Variants in PRKAR1B observed in about 807,000 individuals in gnomAD.
PRKAR1B encodes protein kinase cAMP-dependent type I regulatory subunit beta, also known as cAMP-dependent protein kinase type I-beta regulatory subunit.
In PRKAR1B, 22 loss-of-function variants were observed where a neutral mutation model predicts 46.5. That is an observed-to-expected ratio of 0.47 (90% CI 0.34 to 0.68). The LOEUF is 0.68. Ranked by LOEUF, PRKAR1B falls within the 30% of genes least tolerant of loss-of-function variation. The probability of loss-of-function intolerance (pLI) is 0.01; values close to 1 mark genes in which losing one functional copy is unlikely to be tolerated. For missense variants in PRKAR1B, 445 were observed against 535.6 expected, an observed-to-expected ratio of 0.83 and a Z score of 1.67; for synonymous variants, 259 against 217.7, an observed-to-expected ratio of 1.19 and a Z score of -1.67.
chr7:628,681 C>A (rs1783553274), intron 4 of PRKAR1B, among the ~76,000 whole-genome samples: 1 of 152,208 alleles, frequency 6.6e-6, no homozygotes, highest in South Asian at 2.1e-4. Flanking sequence ...ACTCTGCAGA[C>A]CTCAATGTCT....
At chr7:722,652 G>C (rs180924594) in intron 1 of PRKAR1B, among the ~76,000 whole-genome samples, 11 of 152,396 alleles carry the variant, frequency 7.2e-5, no homozygotes, top group African/African-American at 2.4e-4. Context: ...GATGACAGGC[G>C]TGAGCCACCG....
intron 5 of PRKAR1B, among the ~76,000 whole-genome samples, chr7:606,892 A>T (rs1782104491): frequency 6.6e-6 from 1 of 152,030 alleles, no homozygotes; most frequent in Non-Finnish European, 1.5e-5. Context: ...ACACATATGT[A>T]TATATGTGTA....
chr7:605,919 G>A (rs1394943483), intron 6 of PRKAR1B, among the ~76,000 whole-genome samples: 1 of 152,206 alleles, frequency 6.6e-6, no homozygotes, highest in African/African-American at 2.4e-5. Flanking sequence ...GCCAGCCCCA[G>A]CAGTCGCAGC....
At chr7:582,902 G>A (rs1780278354) in intron 8 of PRKAR1B, among the ~76,000 whole-genome samples, 2 of 152,224 alleles carry the variant, frequency 1.3e-5, no homozygotes, top group East Asian at 1.9e-4. Context: ...AAAATCTGGC[G>A]GACCAACTCG....
At chr7:686,579 T>G (rs1779109354) in intron 2 of PRKAR1B, among the ~76,000 whole-genome samples, 1 of 152,150 alleles carries the variant, frequency 6.6e-6, no homozygotes, top group South Asian at 2.1e-4. Flanking sequence ...GTTCTTGCAG[T>G]TAGAGATTTT....
chr7:647,533 G>A lies in PRKAR1B; in HGVS notation c.440+29696C>T, dbSNP rs150760852. Among the ~76,000 whole-genome samples, 1,139 of 152,142 alleles carry A rather than the reference G, an allele frequency of 7.5e-3. 19 individuals carry two copies. The highest frequency in any genetic ancestry group is 0.026 in the African/African-American group (1,091 of 41,502). On this transcript the variant is annotated intron_variant, in intron 4 of 10. Coordinates refer to ENST00000537384, the MANE Select transcript of PRKAR1B (RefSeq NM_001164760.2). The stretch of plus-strand genomic sequence containing the variant: ...TAAAACACGTACCTCCAGGCCAGGC[G>A]CGGTGGCTCATGCCTGTAATCCCAG...
intron 4 of PRKAR1B, among the ~76,000 whole-genome samples, chr7:673,045 TAAAAAAAAAA>T (rs992683667): frequency 2.1e-3 from 57 of 26,550 alleles, no homozygotes; most frequent in East Asian, 0.019. Flanking sequence ...GCCTTGTCTT[TAAAAAAAAAA>T]AAAAAAAAAA....
chr7:562,390 C>T (rs960419478), intron 9 of PRKAR1B, among the ~76,000 whole-genome samples: 7 of 152,134 alleles, frequency 4.6e-5, no homozygotes, highest in African/African-American at 1.7e-4. Context: ...CTCCACAGGC[C>T]CAGCCCAACT....
chr7:694,060 A>G (rs1352662184), intron 2 of PRKAR1B, among the ~76,000 whole-genome samples: 4 of 152,136 alleles, frequency 2.6e-5, no homozygotes, highest in South Asian at 4.2e-4. Context: ...CGAGGTGGGC[A>G]GATCACGAGG....
At chr7:724,757 C>T (rs1188545651) in intron 1 of PRKAR1B, among the ~76,000 whole-genome samples, 1 of 152,244 alleles carries the variant, frequency 6.6e-6, no homozygotes, top group Admixed American at 6.5e-5. Context: ...TAAGGGCTAT[C>T]TCATCCTGCA....
intron 4 of PRKAR1B, among the ~76,000 whole-genome samples, chr7:674,706 T>TCTA: frequency 6.6e-6 from 1 of 152,166 alleles, no homozygotes; most frequent in South Asian, 2.1e-4. Context: ...ACTCTCTCCA[T>TCTA]GCCTAGCTAC....
At chr7:555,963 C>T (rs1281142120) in intron 9 of PRKAR1B, among the ~76,000 whole-genome samples, 2 of 152,192 alleles carry the variant, frequency 1.3e-5, no homozygotes, top group South Asian at 2.1e-4. Flanking sequence ...GCTCCGGGGA[C>T]TCAGCCAGGT....
rs143606204 is a variant in PRKAR1B at position 591,926 on chromosome 7, C to T, written c.708+4220G>A. On this transcript the variant is annotated intron_variant, in intron 7 of 10. Transcript: ENST00000537384. ...ACCAGAAAGCCAGCCCCGGCTCCCA[C>T]GCACGGCTGTGGGGTTGGCAACTTC... Among the ~76,000 whole-genome samples the T allele has an allele frequency of 7.3e-3, 1,119 of 152,324 alleles. 7 individuals carry two copies. The highest frequency in any genetic ancestry group is 0.025 in the African/African-American group (1,048 of 41,574).
At chr7:597,855 G>C (rs2128457597) in intron 6 of PRKAR1B, among the ~76,000 whole-genome samples, 2 of 152,350 alleles carry the variant, frequency 1.3e-5, no homozygotes, top group African/African-American at 4.8e-5. Context: ...CTAAGGTTTT[G>C]TCAAAACCAG....
intron 9 of PRKAR1B, among the ~76,000 whole-genome samples, chr7:559,142 C>T (rs889615487): frequency 6.6e-6 from 1 of 152,244 alleles, no homozygotes; most frequent in African/African-American, 2.4e-5. Context: ...GAGGCCACAT[C>T]CCTGCCCGGA....
chr7:678,787 T>C (rs1377607371), intron 3 of PRKAR1B, among the ~76,000 whole-genome samples: 2 of 152,232 alleles, frequency 1.3e-5, no homozygotes, highest in African/African-American at 4.8e-5. Flanking sequence ...TAACAGACTT[T>C]TAAAAATGTA....
At chr7:687,870 C>T (rs1368210827) in intron 2 of PRKAR1B, among the ~76,000 whole-genome samples, 1 of 151,578 alleles carries the variant, frequency 6.6e-6, no homozygotes, top group Non-Finnish European at 1.5e-5. Context: ...CCGAGGCAGG[C>T]GGATCACCTG....
At chr7:562,105 G>T (rs1293744950) in intron 9 of PRKAR1B, 1 of 152,290 alleles carries the variant, frequency 6.6e-6, no homozygotes, top group African/African-American at 2.4e-5. Context: ...GAAGGAAAGG[G>T]GCATGTGGCT....
intron 9 of PRKAR1B, among the ~76,000 whole-genome samples, chr7:577,208 C>T (rs750203889): frequency 5.3e-5 from 8 of 152,190 alleles, no homozygotes; most frequent in Non-Finnish European, 8.8e-5. Flanking sequence ...CCGAATTTGC[C>T]GAAGTTGCCA....
Sources: allele counts gnomAD v4.1 joint callset (sites outside exome capture counted in the v4.1 genomes callset), GRCh38; gene constraint gnomAD v4.1.1; transcripts MANE v1.5; gene names NCBI Gene and HGNC (gene_info 2026-07-23, HGNC 2026-07-21).